ACYP2: variants seen among roughly 807,000 people sequenced by gnomAD.
ACYP2 encodes acylphosphatase-2.
A neutral mutation model predicts 11.2 loss-of-function variants in ACYP2; 12 were observed. That is an observed-to-expected ratio of 1.08 (90% CI 0.69 to 1.74). The LOEUF is 1.74. Ranked by LOEUF, ACYP2 falls within the 40% of genes most tolerant of loss-of-function variation. ACYP2 has a pLI of 0.00. For missense variants in ACYP2, 134 were observed against 101.9 expected, an observed-to-expected ratio of 1.31 and a Z score of -1.35; for synonymous variants, 43 against 32.2, an observed-to-expected ratio of 1.33 and a Z score of -1.13.
chr2:54,172,546 G>A (rs1683262349), intron 6 of ACYP2, among the ~76,000 whole-genome samples: 1 of 152,220 alleles, frequency 6.6e-6, no homozygotes, highest in South Asian at 2.1e-4. Flanking sequence ...CACACCTGGA[G>A]AGGGAGCAGT....
intron 6 of ACYP2, among the ~76,000 whole-genome samples, chr2:54,303,432 G>A (rs1689803436): frequency 6.6e-6 from 1 of 152,168 alleles, no homozygotes; most frequent in Non-Finnish European, 1.5e-5. Flanking sequence ...CAGTTTTCTA[G>A]GAGGTTTCAA....
chr2:54,080,354 C>T (rs1677579167), intron 4 of ACYP2: 1 of 152,086 alleles, frequency 6.6e-6, no homozygotes, highest in African/African-American at 2.4e-5. Context: ...GGTATTTTTT[C>T]TCCTGCTTTT....
At position 54,170,969 on chromosome 2, in the gene ACYP2, CTTTG is replaced by C. The variant is rs375334671; in HGVS notation, c.404+32225_404+32228del. ...AATCACAGGGAAATGCCAGGGCTCA[CTTTG>C]TTTATTTACTGGAGTGGCTGGTTGT... On this transcript the variant is annotated intron_variant, in intron 6 of 6. Transcript: ENST00000607452. Among the ~76,000 whole-genome samples the C allele has an allele frequency of 1.7e-3, 255 of 152,234 alleles. 2 individuals are homozygous for C. Among genetic ancestry groups the C allele is most frequent in the Non-Finnish European group, 2.8e-3 (189 of 68,016 alleles).
At chr2:54,123,411 G>A in intron 4 of ACYP2, 1 of 398,528 alleles carries the variant, frequency 2.5e-6, no homozygotes, top group South Asian at 1.3e-4. Context: ...ACAAATAGAG[G>A]TAGGAAGGAC....
At chr2:54,062,975 T>C (rs1200162989) in intron 4 of ACYP2, among the ~76,000 whole-genome samples, 1 of 152,192 alleles carries the variant, frequency 6.6e-6, no homozygotes, top group Non-Finnish European at 1.5e-5. Flanking sequence ...CATATTCAGA[T>C]ACCTTCATTA....
chr2:54,010,910 C>G (rs1673334095), intron 2 of ACYP2, among the ~76,000 whole-genome samples: 1 of 151,948 alleles, frequency 6.6e-6, no homozygotes, highest in Non-Finnish European at 1.5e-5. Flanking sequence ...CTCAGGTGAT[C>G]TGCCTACCTT....
At chr2:54,123,077 G>A (rs1680251040) in intron 4 of ACYP2, 1 of 308,744 alleles carries the variant, frequency 3.2e-6, no homozygotes, top group South Asian at 1.6e-4. Context: ...AGGAAGAAGA[G>A]GACATGCCTG....
chr2:54,241,518 A>T (rs1396226415), intron 6 of ACYP2, among the ~76,000 whole-genome samples: 1 of 152,132 alleles, frequency 6.6e-6, no homozygotes. Flanking sequence ...TGTTGTTTCT[A>T]TCTGAAGTCA....
intron 6 of ACYP2, among the ~76,000 whole-genome samples, chr2:54,206,840 T>C (rs367859101): frequency 3.2e-4 from 49 of 152,344 alleles, no homozygotes; most frequent in African/African-American, 1.2e-3. Context: ...CCATCCATAT[T>C]GTTCGGGGCA....
chr2:54,054,510 A>G (rs183379145), intron 3 of ACYP2, among the ~76,000 whole-genome samples: 1 of 152,280 alleles, frequency 6.6e-6, no homozygotes, highest in Non-Finnish European at 1.5e-5. Flanking sequence ...TCTGCAAACA[A>G]TGGGTCATTT....
chr2:54,151,026 C>T (rs992574231), intron 6 of ACYP2, among the ~76,000 whole-genome samples: 10 of 152,192 alleles, frequency 6.6e-5, no homozygotes, highest in Non-Finnish European at 1.5e-4. Flanking sequence ...CAGGGGTGAG[C>T]CACCGCGCCC....
chr2:54,011,562 G>C (rs573181780), intron 2 of ACYP2, among the ~76,000 whole-genome samples: 200 of 152,236 alleles, frequency 1.3e-3, no homozygotes, highest in Admixed American at 3.9e-3. Flanking sequence ...ATTTAATGTT[G>C]TATCTTGCAT....
chr2:54,150,815 G>A (rs573234468), intron 6 of ACYP2, among the ~76,000 whole-genome samples: 1 of 144,356 alleles, frequency 6.9e-6, no homozygotes, highest in Non-Finnish European at 1.5e-5. Context: ...AATCTTGGCT[G>A]ACTGCAAGCT....
At chr2:54,230,936 T>C (rs1451474434) in intron 6 of ACYP2, among the ~76,000 whole-genome samples, 2 of 151,100 alleles carry the variant, frequency 1.3e-5, no homozygotes, top group Non-Finnish European at 2.9e-5. Flanking sequence ...ATTCAAGCGA[T>C]TCTCTTGCCT....
intron 6 of ACYP2, among the ~76,000 whole-genome samples, chr2:54,228,447 C>T (rs751847281): frequency 1.3e-5 from 2 of 152,176 alleles, no homozygotes; most frequent in Non-Finnish European, 2.9e-5. Flanking sequence ...TCAAGGTATA[C>T]AGTAGTTAAG....
chr2:54,054,585 C>A (rs1031470559), intron 3 of ACYP2, among the ~76,000 whole-genome samples: 1 of 152,164 alleles, frequency 6.6e-6, no homozygotes, highest in African/African-American at 2.4e-5. Context: ...TGTGTGTTAA[C>A]CATGCTATAA....
At chr2:54,081,648 G>C (rs540400846) in intron 4 of ACYP2, among the ~76,000 whole-genome samples, 1 of 152,268 alleles carries the variant, frequency 6.6e-6, no homozygotes, top group African/African-American at 2.4e-5. Flanking sequence ...CAACGTTAAG[G>C]CTATTCACAA....
rs764707480 is a variant in ACYP2 at position 54,138,719 on chromosome 2, G to A, written c.375G>A (p.Val125=). ...GCAAAGGCACCGTGACAGGCCAAGT[G>A]CAGGGGCCAGAAGACAAAGTCAATT... The change falls in exon 6 of 7, where the codon GTG becomes GTA. Residue 125 remains valine, a synonymous_variant. Coordinates refer to ENST00000607452, the MANE Select transcript of ACYP2 (RefSeq NM_001320586.2). 6.2e-7 allele frequency: 1 copy of A among 1,614,010 alleles called. No individual in the cohort carries two copies. The highest frequency in any genetic ancestry group is 2.2e-5 in the East Asian group (1 of 44,890).
At chr2:54,024,545 A>G (rs1674175553) in intron 2 of ACYP2, among the ~76,000 whole-genome samples, 1 of 152,240 alleles carries the variant, frequency 6.6e-6, no homozygotes, top group Non-Finnish European at 1.5e-5. Context: ...GCATCCCTTT[A>G]TGATTAAAAC....
Sources: allele counts gnomAD v4.1 joint callset (sites outside exome capture counted in the v4.1 genomes callset), GRCh38; gene constraint gnomAD v4.1.1; transcripts MANE v1.5; gene names NCBI Gene and HGNC (gene_info 2026-07-23, HGNC 2026-07-21).